The following KCNQ3 variants were observed in gnomAD, a reference collection of about 807,000 sequenced individuals.
KCNQ3 encodes the protein potassium voltage-gated channel subfamily Q member 3, also known as potassium voltage-gated channel subfamily KQT member 3.
Under a neutral mutation model 92.5 loss-of-function variants are expected in KCNQ3, and 30 were observed. The ratio of observed to expected loss-of-function variants is 0.32; its 90% CI spans 0.24 to 0.44. KCNQ3 has a LOEUF of 0.44. Ranked by LOEUF, KCNQ3 falls within the 20% of genes least tolerant of loss-of-function variation. The pLI, the probability that KCNQ3 is intolerant of heterozygous loss-of-function variation, is 1.00. For synonymous variants in KCNQ3, 450 were observed against 468.8 expected (o/e 0.96, Z 0.52); for missense variants, 913 against 1,140.3 (o/e 0.80, Z 2.87).
intron 1 of KCNQ3, among the ~76,000 whole-genome samples, chr8:132,412,067 C>T (rs1820665946): frequency 6.6e-6 from 1 of 152,180 alleles, no homozygotes; most frequent in African/African-American, 2.4e-5. Context: ...CCCCATGGCA[C>T]CCCAGAGAGG....
intron 9 of KCNQ3, among the ~76,000 whole-genome samples, chr8:132,149,432 A>T (rs1265018282): frequency 6.6e-6 from 1 of 152,112 alleles, no homozygotes; most frequent in African/African-American, 2.4e-5. Context: ...CTCCCTTCAA[A>T]GTGTCTGCAT....
intron 1 of KCNQ3, among the ~76,000 whole-genome samples, chr8:132,392,989 T>C (rs1051628563): frequency 6.6e-6 from 1 of 152,176 alleles, no homozygotes; most frequent in African/African-American, 2.4e-5. Context: ...CAGAGAATGC[T>C]AACAATTTTC....
chr8:132,175,706 G>T, intron 4 of KCNQ3, 98 bp from the exon 5 acceptor site: 1 of 1,147,718 alleles, frequency 8.7e-7, no homozygotes, highest in Non-Finnish European at 1.3e-6. Context: ...AAGTTTACCA[G>T]CTCTGTGACT....
chr8:132,273,438 C>T (rs1027624067), intron 1 of KCNQ3, among the ~76,000 whole-genome samples: 10 of 152,184 alleles, frequency 6.6e-5, no homozygotes, highest in African/African-American at 2.4e-4. Context: ...AGCATGGGGA[C>T]CCTGGGCCCA....
intron 1 of KCNQ3, among the ~76,000 whole-genome samples, chr8:132,388,082 G>T (rs1819943784): frequency 6.6e-6 from 1 of 150,952 alleles, no homozygotes; most frequent in African/African-American, 2.4e-5. Flanking sequence ...AAACATAAAG[G>T]GTTAAACAAG....
At chr8:132,214,749 C>T (rs1813970504) in intron 1 of KCNQ3, among the ~76,000 whole-genome samples, 1 of 152,228 alleles carries the variant, frequency 6.6e-6, no homozygotes, top group Non-Finnish European at 1.5e-5. Context: ...ATCTGCCAGG[C>T]TGGGTAATCA....
intron 1 of KCNQ3, among the ~76,000 whole-genome samples, chr8:132,392,720 G>C (rs539818776): frequency 7.0e-6 from 1 of 143,636 alleles, no homozygotes; most frequent in African/African-American, 2.5e-5. Context: ...AGGATCACTT[G>C]GGTAGAGGCT....
chr8:132,172,520 C>G, intron 7 of KCNQ3, 78 bp downstream of exon 7: 1 of 1,275,904 alleles, frequency 7.8e-7, no homozygotes. Context: ...TGCACACATG[C>G]ACACATACAC....
intron 1 of KCNQ3, among the ~76,000 whole-genome samples, chr8:132,319,447 C>T (rs1454957188): frequency 6.6e-6 from 1 of 152,178 alleles, no homozygotes; most frequent in Non-Finnish European, 1.5e-5. Context: ...AGGCTCAATA[C>T]TTATTTGTTA....
chr8:132,438,588 G>C lies in KCNQ3; in HGVS notation c.386+41559C>G, dbSNP rs1341544840. On this transcript the variant is annotated intron_variant, in intron 1 of 14. Coordinates refer to ENST00000388996, the MANE Select transcript of KCNQ3 (RefSeq NM_004519.4). ...GTGTGGGTGCGGCTGCTTGGTGATGGACCAGTAACATCTCTGAGAGTGATG... is the reference window on the plus strand; with the variant it reads ...GTGTGGGTGCGGCTGCTTGGTGATGCACCAGTAACATCTCTGAGAGTGATG... Among the ~76,000 whole-genome samples the C allele has an allele frequency of 4.6e-5, 7 of 152,192 alleles. No individual in the cohort carries two copies. In the East Asian group the frequency reaches 1.4e-3, roughly 29 times the overall value.
At chr8:132,264,231 G>T (rs1815899317) in intron 1 of KCNQ3, among the ~76,000 whole-genome samples, 1 of 152,174 alleles carries the variant, frequency 6.6e-6, no homozygotes, top group African/African-American at 2.4e-5. Context: ...GCCACTGCAT[G>T]ACACACTTAG....
At position 132,403,079 on chromosome 8, in the gene KCNQ3, C is replaced by T. The variant is rs532946331; in HGVS notation, c.386+77068G>A. ...TTGTAACAAATGTACCATACTAATG[C>T]AGAAAGTTAATAATAAGGGAAATTG... On this transcript the variant is annotated intron_variant, in intron 1 of 14. Transcript: ENST00000388996. Among the ~76,000 whole-genome samples the T allele has an allele frequency of 3.4e-5, 5 of 146,036 alleles. No homozygotes were observed. In the East Asian group the frequency reaches 8.1e-4, roughly 24 times the overall value.
rs1035454783 is a variant in KCNQ3 at position 132,125,374 on chromosome 8, C to A, written c.*3888G>T. 3 of 152,096 alleles carry A rather than the reference C, an allele frequency of 2.0e-5. No individual in the cohort carries two copies. The highest frequency in any genetic ancestry group is 7.2e-5 in the African/African-American group (3 of 41,408). 9.4% of individuals were successfully genotyped at this position (152,096 alleles called of 1,614,324 possible). ...ATAGAGTTGTTTGCAGGGATGAAAT[C>A]AGGTATTTTATTTTCCTGGTAGACA... On this transcript the variant is annotated 3_prime_UTR_variant, in exon 15 of 15. Transcript: ENST00000388996.
At chr8:132,266,214 C>T (rs940681101) in intron 1 of KCNQ3, among the ~76,000 whole-genome samples, 2 of 152,130 alleles carry the variant, frequency 1.3e-5, no homozygotes, top group African/African-American at 4.8e-5. Flanking sequence ...GATTGGTAGA[C>T]AGATTTCTCA....
chr8:132,218,150 A>T (rs541186788), intron 1 of KCNQ3, among the ~76,000 whole-genome samples: 38 of 152,326 alleles, frequency 2.5e-4, no homozygotes, highest in Admixed American at 2.4e-3. Flanking sequence ...GAGAAAAAAA[A>T]GCTCTGCTCC....
At chr8:132,355,767 C>T (rs535203715) in intron 1 of KCNQ3, among the ~76,000 whole-genome samples, 30 of 152,156 alleles carry the variant, frequency 2.0e-4, no homozygotes, top group Admixed American at 1.9e-3. Context: ...GCCTAGTCTT[C>T]GGAAAACACA....
At chr8:132,230,447 G>C (rs75612469) in intron 1 of KCNQ3, among the ~76,000 whole-genome samples, 16 of 111,172 alleles carry the variant, frequency 1.4e-4, no homozygotes, top group African/African-American at 6.6e-4. Context: ...GAGAGAGAGA[G>C]ACAGAGAGAG....
At chr8:132,409,646 T>C (rs1820595083) in intron 1 of KCNQ3, among the ~76,000 whole-genome samples, 1 of 152,214 alleles carries the variant, frequency 6.6e-6, no homozygotes, top group African/African-American at 2.4e-5. Context: ...AGGTAGAAGA[T>C]GCTCTGAAAA....
chr8:132,451,643 G>A (rs1413451025), intron 1 of KCNQ3, among the ~76,000 whole-genome samples: 1 of 152,240 alleles, frequency 6.6e-6, no homozygotes, highest in African/African-American at 2.4e-5. Flanking sequence ...GTAGGTGCAG[G>A]AAGGAAGAAA....
Sources: gnomAD v4.1 joint callset for allele counts (sites outside exome capture counted in the v4.1 genomes callset) on GRCh38, gnomAD v4.1.1 for gene constraint, MANE v1.5 for transcripts, NCBI Gene and HGNC (gene_info 2026-07-23, HGNC 2026-07-21) for gene names.